Variants in SLIT2 observed in about 807,000 individuals in gnomAD.
The protein encoded by SLIT2 is slit homolog 2 protein.
In SLIT2, 41 loss-of-function variants were observed where a neutral mutation model predicts 185.7. The ratio of observed to expected loss-of-function variants is 0.22; its 90% CI spans 0.17 to 0.29. The LOEUF is 0.29. SLIT2 is among the 10% of genes least tolerant of loss of function. The pLI is 1.00. For missense variants in SLIT2, 1,571 were observed against 1,909.0 expected, an observed-to-expected ratio of 0.82 and a Z score of 3.30; for synonymous variants, 693 against 680.2, an observed-to-expected ratio of 1.02 and a Z score of -0.29.
intron 4 of SLIT2, among the ~76,000 whole-genome samples, chr4:20,302,351 A>C (rs1448060988): frequency 6.6e-6 from 1 of 152,236 alleles, no homozygotes; most frequent in Non-Finnish European, 1.5e-5. Context: ...GGCTATTCAA[A>C]TTAAAAGATG....
intron 4 of SLIT2, among the ~76,000 whole-genome samples, chr4:20,434,324 T>A (rs1215586174): frequency 6.6e-6 from 1 of 151,862 alleles, no homozygotes; most frequent in Non-Finnish European, 1.5e-5. Flanking sequence ...CTATCTCTAC[T>A]AAAAATACAA....
At chr4:20,552,389 T>G (rs1284257064) in intron 25 of SLIT2, 2 of 150,176 alleles carry the variant, frequency 1.3e-5, no homozygotes, top group African/African-American at 4.9e-5. Context: ...TTTATATATA[T>G]AAAGAAATTT....
intron 4 of SLIT2, among the ~76,000 whole-genome samples, chr4:20,414,780 T>C (rs2109440053): frequency 1.3e-5 from 2 of 152,266 alleles, no homozygotes; most frequent in Non-Finnish European, 2.9e-5. Flanking sequence ...TCCGCTTTTT[T>C]CTTACTGCTT....
Position 20,598,315 on chromosome 4 carries a change from C to G in SLIT2, c.3612C>G (p.Asp1204Glu), listed in dbSNP as rs1560228051. Residue 1204 changes from aspartate to glutamate, a missense_variant, in exon 33 of 37, where the codon GAC (aspartate) becomes GAG (glutamate). Physicochemically the swap from Asp to Glu is conservative, Grantham distance 45 (BLOSUM62 2). Coordinates refer to ENST00000504154, the MANE Select transcript of SLIT2 (RefSeq NM_004787.4). ...SGILLYKGDK[D>E]HIAVELYRGR... is the part of the protein sequence containing the mutation. ...TCCTCCTGTATAAGGGTGACAAAGA[C>G]CATATCGCGGTAGAACTCTATCGGG... 1 of 1,614,058 alleles carries G rather than the reference C, an allele frequency of 6.2e-7. No individual in the cohort carries two copies. The highest frequency in any genetic ancestry group is 8.5e-7 in the Non-Finnish European group (1 of 1,179,924).
intron 5 of SLIT2, among the ~76,000 whole-genome samples, chr4:20,474,273 A>T (rs150792134): frequency 6.6e-6 from 1 of 152,062 alleles, no homozygotes; most frequent in Non-Finnish European, 1.5e-5. Flanking sequence ...TATATAAAAA[A>T]ATTAGTAGCT....
intron 4 of SLIT2, among the ~76,000 whole-genome samples, chr4:20,454,086 T>G (rs1712778173): frequency 6.6e-6 from 1 of 152,180 alleles, no homozygotes; most frequent in African/African-American, 2.4e-5. Context: ...TTTTTAGAAA[T>G]AGCTTCCCTG....
chr4:20,395,114 C>T (rs1725780008), intron 4 of SLIT2, among the ~76,000 whole-genome samples: 1 of 151,968 alleles, frequency 6.6e-6, no homozygotes, highest in South Asian at 2.1e-4. Context: ...AATAGATGAC[C>T]ATCCACATAT....
chr4:20,253,941 C>G lies in SLIT2; in HGVS notation c.126C>G (p.His42Gln), dbSNP rs200103892. 3.7e-6 allele frequency: 6 copies of G among 1,602,944 alleles called. No individual in the cohort carries two copies. The South Asian group carries it at 4.4e-5, about 12-fold the overall frequency. The change falls in exon 1 of 37, where the codon CAC becomes CAG. Residue 42 changes from histidine to glutamine, a missense_variant. Physicochemically the swap from His to Gln is conservative, Grantham distance 24 (BLOSUM62 0). This residue lies in a region of SLIT2 where 1,202 missense variants were observed against 1,416.4 expected (regional missense o/e 0.85). Transcript: ENST00000504154. ...CSCSGSTVDC[H>Q]GLALRSVPRN... ...GCTCGGGCAGCACAGTGGACTGTCA[C>G]GGGCTGGCGCTGCGCAGCGTGCCCA... is the stretch of plus-strand genomic sequence containing the variant.
intron 4 of SLIT2, 44 bp from the exon 5 acceptor site, chr4:20,467,704 TTAAA>T (rs758069304): frequency 8.7e-7 from 1 of 1,147,818 alleles, no homozygotes; most frequent in South Asian, 1.4e-5. Flanking sequence ...AAAATAATCT[TTAAA>T]TAATATTTTC....
In SLIT2 at chr4:20,619,002, T is replaced by C. The variant is rs566302015; in HGVS notation, c.4583T>C (p.Val1528Ala). ...KVVKCGCTRCVS is the reference protein window; with the variant it reads ...KVVKCGCTRCAS ...GTGAAGTGCGGCTGTACGAGGTGTGTGTCCTAAACACACTCCCGGCAGCTC... is the reference window on the plus strand; with the variant it reads ...GTGAAGTGCGGCTGTACGAGGTGTGCGTCCTAAACACACTCCCGGCAGCTC... Residue 1528 changes from valine to alanine, a missense_variant, in exon 37 of 37, where the codon GTG becomes GCG. Val to Ala is a moderately conservative substitution (Grantham distance 64). Around this residue, in one of 3 missense-constraint regions of SLIT2, gnomAD observed 223 missense variants for 245.2 expected, o/e 0.91. Coordinates refer to ENST00000504154, the MANE Select transcript of SLIT2 (RefSeq NM_004787.4). The C allele has an allele frequency of 1.9e-6, 3 of 1,609,700 alleles. No homozygotes were observed. Among genetic ancestry groups the C allele is most frequent in the South Asian group, 2.2e-5 (2 of 91,036 alleles).
Position 20,510,560 on chromosome 4 carries a change from G to A in SLIT2, c.980G>A (p.Arg327Lys). ...PGAFSPYKKL[R>K]RIDLSNNQIS... Reference sequence around the variant, plus strand: ...GCTTTCTCACCATATAAAAAGCTTAGACGAATGTGAGTGAACAATATTCTA... The same window carrying A: ...GCTTTCTCACCATATAAAAAGCTTAAACGAATGTGAGTGAACAATATTCTA... The change falls in exon 10 of 37, where the codon AGA (arginine) becomes AAA (lysine). Residue 327 changes from arginine (R) to lysine (K), a missense_variant. By Grantham distance (26) the Arg-to-Lys change is conservative. Transcript: ENST00000504154. The A allele has an allele frequency of 1.3e-6, 2 of 1,591,092 alleles. No homozygotes were observed. Among genetic ancestry groups the A allele is most frequent in the Non-Finnish European group, 1.7e-6 (2 of 1,159,758 alleles).
chr4:20,276,502 G>T (rs1714179925), intron 4 of SLIT2, among the ~76,000 whole-genome samples: 1 of 152,276 alleles, frequency 6.6e-6, no homozygotes, highest in Middle Eastern at 3.4e-3. Flanking sequence ...GGTGTGAAAT[G>T]TTATTAAGAG....
chr4:20,477,952 A>G (rs957702447), intron 5 of SLIT2, among the ~76,000 whole-genome samples: 7 of 152,216 alleles, frequency 4.6e-5, no homozygotes, highest in African/African-American at 9.6e-5. Context: ...AGAAGTACCC[A>G]GGGCTTGAAA....
At chr4:20,277,522 A>T (rs1384742604) in intron 4 of SLIT2, among the ~76,000 whole-genome samples, 5 of 151,694 alleles carry the variant, frequency 3.3e-5, no homozygotes, top group Non-Finnish European at 7.4e-5. Flanking sequence ...AAAACATTTG[A>T]AATTACTGAT....
intron 4 of SLIT2, among the ~76,000 whole-genome samples, chr4:20,401,907 A>G (rs1230692810): frequency 6.6e-6 from 1 of 151,902 alleles, no homozygotes; most frequent in South Asian, 2.1e-4. Context: ...AGAGCGTTTT[A>G]TGGCAGTTTA....
chr4:20,521,465 G>A (rs950289956), intron 12 of SLIT2, among the ~76,000 whole-genome samples: 4 of 152,326 alleles, frequency 2.6e-5, no homozygotes, highest in Non-Finnish European at 5.9e-5. Context: ...GAGTTAAAGT[G>A]AGTACAAACT....
chr4:20,441,537 C>A (rs1329542552), intron 4 of SLIT2, among the ~76,000 whole-genome samples: 2 of 149,722 alleles, frequency 1.3e-5, no homozygotes, highest in Non-Finnish European at 3.0e-5. Flanking sequence ...CTCTCTCTCT[C>A]TCTCTCTCTC....
intron 4 of SLIT2, among the ~76,000 whole-genome samples, chr4:20,337,181 A>C (rs1720577422): frequency 6.6e-6 from 1 of 152,198 alleles, no homozygotes; most frequent in African/African-American, 2.4e-5. Context: ...TAGGTAATTT[A>C]TACAGGAAAA....
At chr4:20,543,606 G>A (rs1723004710) in intron 21 of SLIT2, among the ~76,000 whole-genome samples, 1 of 152,230 alleles carries the variant, frequency 6.6e-6, no homozygotes, top group African/African-American at 2.4e-5. Context: ...GAGCAGGTTT[G>A]ACAAACTTTT....
Sources: gnomAD v4.1 joint callset for allele counts (sites outside exome capture counted in the v4.1 genomes callset) on GRCh38, gnomAD v4.1.1 for gene constraint, gnomAD v4.1.1 regional missense constraint, MANE v1.5 for transcripts, NCBI Gene and HGNC (gene_info 2026-07-23, HGNC 2026-07-21) for gene names.